MAP4K4: variants seen among roughly 807,000 people sequenced by gnomAD.
MAP4K4 encodes HPK/GCK-like kinase HGK.
A neutral mutation model predicts 189.6 loss-of-function variants in MAP4K4; 38 were observed. The ratio of observed to expected loss-of-function variants is 0.20; its 90% confidence interval spans 0.15 to 0.26. MAP4K4 has a LOEUF of 0.26. Ranked by LOEUF, MAP4K4 falls within the 10% of genes least tolerant of loss-of-function variation. The pLI, the probability that MAP4K4 is intolerant of heterozygous loss-of-function variation, is 1.00. For synonymous variants in MAP4K4, 610 were observed against 624.3 expected (o/e 0.98, Z 0.34); for missense variants, 1,054 against 1,726.9 (o/e 0.61, Z 6.91).
chr2:101,852,470 C>T (rs935452091), intron 12 of MAP4K4, among the ~76,000 whole-genome samples: 2 of 151,684 alleles, frequency 1.3e-5, no homozygotes, highest in Admixed American at 6.6e-5. Flanking sequence ...GCTTTCAAGA[C>T]GTTTGGAGTC....
intron 2 of MAP4K4, among the ~76,000 whole-genome samples, chr2:101,711,142 A>T (rs2045265290): frequency 6.6e-6 from 1 of 152,192 alleles, no homozygotes; most frequent in Admixed American, 6.5e-5. Context: ...TACATTACAC[A>T]TGGGGAGACT....
At chr2:101,760,503 A>AATAT (rs35922398) in intron 2 of MAP4K4, among the ~76,000 whole-genome samples, 1,952 of 132,710 alleles carry the variant, frequency 0.015, 41 homozygotes, top group African/African-American at 0.053. Context: ...AAAAAAACAA[A>AATAT]ATATATATAT....
intron 9 of MAP4K4, among the ~76,000 whole-genome samples, chr2:101,836,765 T>G (rs1373087111): frequency 2.0e-5 from 3 of 152,220 alleles, no homozygotes. Context: ...ATTCTTAGGC[T>G]GTCACTTTTC....
At chr2:101,880,443 A>G (rs2098351067) in intron 27 of MAP4K4, among the ~76,000 whole-genome samples, 1 of 152,120 alleles carries the variant, frequency 6.6e-6, no homozygotes, top group South Asian at 2.1e-4. Flanking sequence ...ATTCATTAAA[A>G]AGACTAACCT....
chr2:101,810,317 A>G lies in MAP4K4; in HGVS notation c.181-13611A>G, dbSNP rs374015064. On this transcript the variant is annotated intron_variant, in intron 3 of 32. Transcript: ENST00000324219. Reference sequence around the variant, plus strand: ...TGTGGGTTTTTTTTAAATACAGGTAATCACTGTGCCTGTTTTAATGATAAT... The same window carrying G: ...TGTGGGTTTTTTTTAAATACAGGTAGTCACTGTGCCTGTTTTAATGATAAT... 1.3e-4 allele frequency among the ~76,000 whole-genome samples: 20 copies of G among 152,226 alleles called. No individual in the cohort carries two copies. The South Asian group carries it at 4.2e-3, about 32-fold the overall frequency.
At chr2:101,717,669 C>T (rs1305003119) in intron 2 of MAP4K4, among the ~76,000 whole-genome samples, 1 of 152,136 alleles carries the variant, frequency 6.6e-6, no homozygotes, top group Non-Finnish European at 1.5e-5. Context: ...AGTGCGCAAG[C>T]CATTTGTTTC....
At chr2:101,888,706 G>T in intron 31 of MAP4K4, 90 bp from the exon 32 acceptor site, 1 of 932,914 alleles carries the variant, frequency 1.1e-6, no homozygotes, top group Non-Finnish European at 1.5e-6. Context: ...AGATTTAGAA[G>T]TATAAAAATA....
chr2:101,729,469 CTG>C (rs1574401193), intron 2 of MAP4K4, among the ~76,000 whole-genome samples: 2 of 152,142 alleles, frequency 1.3e-5, no homozygotes, highest in African/African-American at 4.8e-5. Context: ...GTGGTTTTAA[CTG>C]TATTTTTTAT....
chr2:101,706,125 CAG>C (rs1329211782), intron 2 of MAP4K4, among the ~76,000 whole-genome samples: 1 of 152,162 alleles, frequency 6.6e-6, no homozygotes, highest in Non-Finnish European at 1.5e-5. Flanking sequence ...TACCAAAAGT[CAG>C]AGTCATCCTG....
intron 2 of MAP4K4, among the ~76,000 whole-genome samples, chr2:101,726,329 G>A (rs2055354054): frequency 1.3e-5 from 2 of 152,310 alleles, no homozygotes; most frequent in South Asian, 4.1e-4. Context: ...ACTGATGTAA[G>A]CATCACTGTC....
intron 11 of MAP4K4, 124 bp from the exon 12 acceptor site, chr2:101,843,977 C>T (rs2149588337): frequency 1.6e-6 from 1 of 639,796 alleles, no homozygotes; most frequent in East Asian, 2.7e-5. Context: ...TATTAGTTGT[C>T]TCCCTGGAGT....
At chr2:101,844,112 A>G in exon 12 of MAP4K4, 1 of 1,611,444 alleles carries the variant, frequency 6.2e-7, no homozygotes, top group Non-Finnish European at 8.5e-7. Flanking sequence ...TCCATTGTGA[A>G]CGTGCCTGGT....
intron 2 of MAP4K4, among the ~76,000 whole-genome samples, chr2:101,748,240 G>C (rs1342055645): frequency 6.6e-6 from 1 of 152,144 alleles, no homozygotes; most frequent in African/African-American, 2.4e-5. Flanking sequence ...AGCTGATTAA[G>C]CAAGGAAGCA....
intron 2 of MAP4K4, among the ~76,000 whole-genome samples, chr2:101,715,487 T>C (rs906114446): frequency 1.3e-5 from 2 of 152,166 alleles, no homozygotes; most frequent in African/African-American, 4.8e-5. Flanking sequence ...CTAACACAGG[T>C]AGAATATCCC....
chr2:101,727,638 G>A (rs1408136215), intron 2 of MAP4K4, among the ~76,000 whole-genome samples: 2 of 152,172 alleles, frequency 1.3e-5, no homozygotes, highest in African/African-American at 4.8e-5. Flanking sequence ...TCTTTATTTG[G>A]CATTTAGCTC....
At chr2:101,700,626 CCTTT>C (rs2037894784) in intron 2 of MAP4K4, among the ~76,000 whole-genome samples, 1 of 152,144 alleles carries the variant, frequency 6.6e-6, no homozygotes, top group Non-Finnish European at 1.5e-5. Flanking sequence ...TTCTTTTCCT[CCTTT>C]ATTTTAATGT....
intron 2 of MAP4K4, among the ~76,000 whole-genome samples, chr2:101,756,126 A>C (rs1054466840): frequency 1.3e-5 from 2 of 151,266 alleles, no homozygotes; most frequent in African/African-American, 4.9e-5. Context: ...TTGTATTTTT[A>C]GTAGAGATGG....
In MAP4K4 at chr2:101,875,608, C is replaced by G. The variant is rs142877169; in HGVS notation, c.3241+1356C>G. Among the ~76,000 whole-genome samples the G allele has an allele frequency of 1.3e-3, 191 of 152,210 alleles. 1 individual carries two copies. The highest frequency in any genetic ancestry group is 4.5e-3 in the African/African-American group (187 of 41,530). On this transcript the variant is annotated intron_variant, in intron 26 of 32. Coordinates refer to ENST00000324219, the Ensembl canonical transcript of MAP4K4. ...ACATGTATGTGCCATGATATTCTTC[C>G]GCCTCACTCCCTCTACACAAATACT...
intron 3 of MAP4K4, chr2:101,797,423 C>G: frequency 7.8e-7 from 1 of 1,284,248 alleles, no homozygotes. Context: ...GTCTGTATCC[C>G]CCTCCTGCAC....
Sources: gnomAD v4.1 joint callset for allele counts (sites outside exome capture counted in the v4.1 genomes callset) on GRCh38, gnomAD v4.1.1 for gene constraint, MANE v1.5 for transcripts, NCBI Gene and HGNC (gene_info 2026-07-23, HGNC 2026-07-21) for gene names.